DNAH9: variants seen among roughly 807,000 people sequenced by gnomAD.
DNAH9 encodes the protein DNAH9 variant protein.
DNAH9 carries 345 observed loss-of-function variants against 471.6 expected under a neutral mutation model. The ratio of observed to expected loss-of-function variants is 0.73; its 90% CI spans 0.67 to 0.80. DNAH9 has a LOEUF of 0.80. Ranked by LOEUF, DNAH9 falls within the 30% of genes least tolerant of loss-of-function variation. The pLI, the probability that DNAH9 is intolerant of heterozygous loss-of-function variation, is 0.00. For missense variants in DNAH9, 5,407 were observed against 5,609.2 expected, an observed-to-expected ratio of 0.96 and a Z score of 1.15; for synonymous variants, 2,093 against 2,123.6, an observed-to-expected ratio of 0.99 and a Z score of 0.40.
intron 43 of DNAH9, among the ~76,000 whole-genome samples, chr17:11,802,120 T>G (rs1387087495): frequency 6.6e-6 from 1 of 152,208 alleles, no homozygotes; most frequent in Non-Finnish European, 1.5e-5. Context: ...TACTTTATCC[T>G]CGCTCTGCCA....
At chr17:11,966,486 C>T (rs1238995851) in intron 68 of DNAH9, among the ~76,000 whole-genome samples, 1 of 151,928 alleles carries the variant, frequency 6.6e-6, no homozygotes, top group Non-Finnish European at 1.5e-5. Flanking sequence ...GTCCTTCAGG[C>T]AAAAGGAAAG....
chr17:11,930,066 G>A lies in DNAH9; in HGVS notation c.12078G>A (p.Leu4026=). 1 of 1,614,090 alleles carries A rather than the reference G, an allele frequency of 6.2e-7. No individual in the cohort carries two copies. The highest frequency in any genetic ancestry group is 8.5e-7 in the Non-Finnish European group (1 of 1,180,008). The change falls in exon 63 of 69, where the codon CTG becomes CTA. Residue 4026 remains leucine (L), a synonymous_variant. Transcript: ENST00000262442. ...CCCCCACGGGCATGCATGCCAACCT[G>A]CACAAGGCCCTGGACAACTTCACTC... ...NEPPTGMHAN[L]HKALDNFTQD...
At chr17:11,951,065 T>G (rs1975344708) in intron 67 of DNAH9, among the ~76,000 whole-genome samples, 1 of 152,200 alleles carries the variant, frequency 6.6e-6, no homozygotes, top group South Asian at 2.1e-4. Flanking sequence ...TGCAGTATCT[T>G]TCCATAGATG....
Position 11,822,066 on chromosome 17 carries a change from A to T in DNAH9, c.8850+4A>T. On this transcript the variant is annotated splice_donor_region_variant and intron_variant, in intron 46 of 68. Coordinates refer to ENST00000262442, the MANE Select transcript of DNAH9 (RefSeq NM_001372.4). Reference sequence around the variant, plus strand: ...TCGGATCCGGCGACAGCTGAAGGTAAAGAGCATTTACTGACAGGGGCAGGC... The same window carrying T: ...TCGGATCCGGCGACAGCTGAAGGTATAGAGCATTTACTGACAGGGGCAGGC... The T allele has an allele frequency of 6.2e-7, 1 of 1,609,822 alleles. No homozygotes were observed. Among genetic ancestry groups the T allele is most frequent in the Non-Finnish European group, 8.5e-7 (1 of 1,178,572 alleles).
chr17:11,656,981 C>G (rs2073663753), intron 14 of DNAH9, among the ~76,000 whole-genome samples: 1 of 151,212 alleles, frequency 6.6e-6, no homozygotes, highest in African/African-American at 2.4e-5. Flanking sequence ...CATCCAGTCC[C>G]CTGATGATGG....
intron 19 of DNAH9, among the ~76,000 whole-genome samples, chr17:11,682,195 T>G (rs1229321255): frequency 6.6e-6 from 1 of 151,964 alleles, no homozygotes; most frequent in African/African-American, 2.4e-5. Flanking sequence ...ACACTTGTCC[T>G]TCCCTGTCTC....
At chr17:11,925,681 T>A (rs560272570) in intron 62 of DNAH9, among the ~76,000 whole-genome samples, 19 of 152,148 alleles carry the variant, frequency 1.2e-4, no homozygotes, top group African/African-American at 4.6e-4. Flanking sequence ...CCCCAGCATC[T>A]ATTGGCCATG....
At chr17:11,941,694 G>GATA (rs1974913171) in intron 66 of DNAH9, among the ~76,000 whole-genome samples, 2 of 148,220 alleles carry the variant, frequency 1.3e-5, no homozygotes, top group Non-Finnish European at 3.0e-5. Flanking sequence ...GTGGATGACC[G>GATA]GATAGATAGA....
chr17:11,923,073 T>G (rs1252099998), intron 61 of DNAH9, among the ~76,000 whole-genome samples: 1 of 99,894 alleles, frequency 1.0e-5, no homozygotes, highest in Non-Finnish European at 2.1e-5. Flanking sequence ...TTTGTTTTGG[T>G]TTTTGTTTTG....
intron 14 of DNAH9, among the ~76,000 whole-genome samples, chr17:11,654,647 C>T (rs1441694471): frequency 6.6e-6 from 1 of 151,878 alleles, no homozygotes; most frequent in Non-Finnish European, 1.5e-5. Context: ...AAAGTTCAGA[C>T]ACTTTAATAA....
intron 38 of DNAH9, among the ~76,000 whole-genome samples, chr17:11,779,083 C>T (rs1968572620): frequency 6.6e-6 from 1 of 152,108 alleles, no homozygotes; most frequent in Non-Finnish European, 1.5e-5. Context: ...TGGCCATTCA[C>T]CCTGGTGCAG....
At chr17:11,786,849 T>C (rs1968890315) in intron 41 of DNAH9, among the ~76,000 whole-genome samples, 1 of 152,168 alleles carries the variant, frequency 6.6e-6, no homozygotes, top group South Asian at 2.1e-4. Flanking sequence ...CTGATTCAGT[T>C]AGCCTGAGTG....
chr17:11,692,214 G>A (rs1444306521), intron 20 of DNAH9, among the ~76,000 whole-genome samples: 1 of 152,150 alleles, frequency 6.6e-6, no homozygotes, highest in East Asian at 1.9e-4. Context: ...ACCTTGGGCA[G>A]GACACTTAAC....
chr17:11,834,867 C>T lies in DNAH9; in HGVS notation c.9476C>T (p.Ala3159Val). The change falls in exon 49 of 69, where the codon GCA becomes GTA. Residue 3159 changes from alanine to valine, a missense_variant. By Grantham distance (64) the Ala-to-Val change is moderately conservative (BLOSUM62 0). This residue lies in a region of DNAH9 where 4,636 missense variants were observed against 4,900.3 expected (regional missense o/e 0.95). Transcript: ENST00000262442. ...DLAKAEPALT[A>V]AQAALNTLNK... Reference sequence around the variant, plus strand: ...GCAAAGGCTGAGCCAGCACTCACAGCAGCGCAGGCAGCTCTCAACACCCTG... The same window carrying T: ...GCAAAGGCTGAGCCAGCACTCACAGTAGCGCAGGCAGCTCTCAACACCCTG... 3 of 1,613,490 alleles carry T rather than the reference C, an allele frequency of 1.9e-6. No homozygotes were observed. The highest frequency in any genetic ancestry group is 1.7e-6 in the Non-Finnish European group (2 of 1,179,876).
intron 12 of DNAH9, 126 bp downstream of exon 12, chr17:11,647,324 G>A: frequency 1.1e-6 from 1 of 917,694 alleles, no homozygotes; most frequent in Non-Finnish European, 1.6e-6. Context: ...CCAGGCTGGA[G>A]TGCAGTGGCG....
chr17:11,705,083 A>G lies in DNAH9; in HGVS notation c.5450A>G (p.Glu1817Gly). Reference protein sequence around the residue: ...LSQLRHRWDDEVKHCFANICD... With the variant: ...LSQLRHRWDDGVKHCFANICD... ...CAGCTGCGCCATCGTTGGGATGACGAGGTCAAACACTGCTTTGCCAACATC... is the reference window on the plus strand; with the variant it reads ...CAGCTGCGCCATCGTTGGGATGACGGGGTCAAACACTGCTTTGCCAACATC... The change falls in exon 26 of 69, where the codon GAG (glutamate) becomes GGG (glycine). Residue 1817 changes from glutamate to glycine, a missense_variant. Physicochemically the swap from Glu to Gly is moderately conservative, Grantham distance 98. Coordinates refer to ENST00000262442, the MANE Select transcript of DNAH9 (RefSeq NM_001372.4). The G allele has an allele frequency of 1.2e-6, 2 of 1,614,140 alleles. No individual in the cohort carries two copies. The highest frequency in any genetic ancestry group is 1.7e-6 in the Non-Finnish European group (2 of 1,179,968).
intron 14 of DNAH9, among the ~76,000 whole-genome samples, chr17:11,659,763 A>G (rs557897457): frequency 6.6e-6 from 1 of 152,204 alleles, no homozygotes; most frequent in Non-Finnish European, 1.5e-5. Flanking sequence ...TTACCAGTAA[A>G]TAGTGTGGGC....
chr17:11,941,761 AGATG>A (rs1974923408), intron 66 of DNAH9, among the ~76,000 whole-genome samples: 1 of 152,198 alleles, frequency 6.6e-6, no homozygotes, highest in Admixed American at 6.5e-5. Flanking sequence ...ATAGATGGAT[AGATG>A]AATGACAGAT....
At chr17:11,876,192 C>T (rs1490151835) in intron 53 of DNAH9, among the ~76,000 whole-genome samples, 1 of 151,566 alleles carries the variant, frequency 6.6e-6, no homozygotes, top group African/African-American at 2.4e-5. Context: ...TGAAGAGAAC[C>T]CAGATAAATG....
Sources: gnomAD v4.1 joint callset for allele counts (sites outside exome capture counted in the v4.1 genomes callset) on GRCh38, gnomAD v4.1.1 for gene constraint, gnomAD v4.1.1 regional missense constraint, MANE v1.5 for transcripts, NCBI Gene and HGNC (gene_info 2026-07-23, HGNC 2026-07-21) for gene names.